The following FMN1 variants were observed in gnomAD, a reference collection of about 807,000 sequenced individuals.
The protein encoded by FMN1 is formin 1, also known as formin-1.
FMN1 carries 110 observed loss-of-function variants against 132.4 expected under a neutral mutation model. That is an observed-to-expected ratio of 0.83 (90% CI 0.71 to 0.97). The LOEUF (loss-of-function observed/expected upper bound fraction) is 0.97. FMN1 is among the 50% of genes least tolerant of loss of function. The probability of loss-of-function intolerance (pLI) is 0.00; values close to 1 mark genes in which losing one functional copy is unlikely to be tolerated. For synonymous variants in FMN1, 722 were observed against 651.7 expected, an observed-to-expected ratio of 1.11 and a Z score of -1.64; for missense variants, 1,792 against 1,705.3, an observed-to-expected ratio of 1.05 and a Z score of -0.90.
intron 2 of FMN1, among the ~76,000 whole-genome samples, chr15:33,192,752 G>A (rs1024962465): frequency 4.6e-5 from 7 of 152,164 alleles, no homozygotes; most frequent in Non-Finnish European, 1.0e-4. Context: ...TTTTAGGAAC[G>A]AGACTGGCCT....
At chr15:32,883,624 C>A (rs1182755186) in intron 16 of FMN1, among the ~76,000 whole-genome samples, 2 of 149,564 alleles carry the variant, frequency 1.3e-5, no homozygotes. Context: ...TACTAGAGAT[C>A]CTGACTCCTG....
chr15:33,136,869 C>T (rs775789503), intron 4 of FMN1, among the ~76,000 whole-genome samples: 7 of 152,058 alleles, frequency 4.6e-5, no homozygotes, highest in African/African-American at 1.4e-4. Context: ...AGGCAGATCA[C>T]CTGAGATCAG....
chr15:32,872,516 G>A (rs1241063054), intron 16 of FMN1, among the ~76,000 whole-genome samples: 1 of 152,222 alleles, frequency 6.6e-6, no homozygotes, highest in Non-Finnish European at 1.5e-5. Flanking sequence ...GTCCTCTGAA[G>A]TCAAAATGCA....
intron 6 of FMN1, among the ~76,000 whole-genome samples, chr15:33,038,706 C>T (rs893024373): frequency 1.3e-5 from 2 of 152,160 alleles, no homozygotes; most frequent in African/African-American, 4.8e-5. Context: ...ATTATCCTTA[C>T]TTTAAGTCCC....
rs904155080 is a variant in FMN1, at chr15:32,771,498, A to G, written c.*2812T>C. The G allele has an allele frequency of 4.6e-5, 7 of 152,228 alleles. No individual in the cohort carries two copies. The highest frequency in any genetic ancestry group is 1.7e-4 in the African/African-American group (7 of 41,464). The allele number at this position is 152,228 out of a possible 1,614,324, so 9.4% of individuals were successfully genotyped here. On this transcript the variant is annotated 3_prime_UTR_variant, in exon 21 of 21. Transcript: ENST00000616417. ...TGTCAATTGCTCATGCAAGAATCTG[A>G]ACTACTGTCAAACTGTGTCCTCAGA...
At chr15:33,004,434 A>G (rs1319923486) in intron 7 of FMN1, among the ~76,000 whole-genome samples, 2 of 152,234 alleles carry the variant, frequency 1.3e-5, no homozygotes, top group African/African-American at 4.8e-5. Flanking sequence ...CAGACACATG[A>G]AAAAATGCTC....
At position 33,088,786 on chromosome 15, in the gene FMN1, G is replaced by A. The variant is rs758002291; in HGVS notation, c.2043+13C>T. 89 of 1,532,868 alleles carry A rather than the reference G, an allele frequency of 5.8e-5. No homozygotes were observed. The highest frequency in any genetic ancestry group is 7.4e-5 in the Non-Finnish European group (85 of 1,145,244). 95.0% of individuals were successfully genotyped at this position (1,532,868 alleles called of 1,614,324 possible). A position where few individuals can be genotyped will look rare whatever the true frequency, so the allele number is the denominator to read the frequency against. Reference sequence around the variant, plus strand: ...CAAAGAACCACAGCACAATCACCAAGATTTCTACTTACATGGAGATCCAAG... The same window carrying A: ...CAAAGAACCACAGCACAATCACCAAAATTTCTACTTACATGGAGATCCAAG... On this transcript the variant is annotated intron_variant, in intron 5 of 20. Coordinates refer to ENST00000616417, the MANE Select transcript of FMN1 (RefSeq NM_001277313.2).
At chr15:32,874,322 A>C (rs192373277) in intron 16 of FMN1, among the ~76,000 whole-genome samples, 1 of 152,154 alleles carries the variant, frequency 6.6e-6, no homozygotes, top group Admixed American at 6.5e-5. Flanking sequence ...AGCCCGGCCT[A>C]TATTAGCTAT....
chr15:33,110,142 T>C (rs2039643350), intron 4 of FMN1, among the ~76,000 whole-genome samples: 1 of 152,098 alleles, frequency 6.6e-6, no homozygotes, highest in South Asian at 2.1e-4. Flanking sequence ...CCTAGGAATC[T>C]ACCATAAACA....
At chr15:32,860,205 A>G (rs934565595) in intron 16 of FMN1, among the ~76,000 whole-genome samples, 1 of 149,674 alleles carries the variant, frequency 6.7e-6, no homozygotes, top group Non-Finnish European at 1.5e-5. Context: ...AAGGAAGGAA[A>G]GAAAGGAGAG....
intron 15 of FMN1, among the ~76,000 whole-genome samples, chr15:32,889,008 C>T (rs1465098089): frequency 1.3e-5 from 2 of 152,082 alleles, no homozygotes; most frequent in African/African-American, 4.8e-5. Flanking sequence ...GTACGTGCCA[C>T]CATACCCAGC....
chr15:32,836,129 G>C (rs2058619801), intron 17 of FMN1, among the ~76,000 whole-genome samples: 1 of 152,122 alleles, frequency 6.6e-6, no homozygotes, highest in Non-Finnish European at 1.5e-5. Flanking sequence ...CCAAAGTCCT[G>C]AGATTACAGG....
At chr15:32,830,293 T>C (rs2058469097) in intron 17 of FMN1, among the ~76,000 whole-genome samples, 1 of 152,192 alleles carries the variant, frequency 6.6e-6, no homozygotes, top group African/African-American at 2.4e-5. Flanking sequence ...TTTTTAAAAA[T>C]AATCACCCCT....
At chr15:32,884,164 G>A (rs1398928715) in intron 16 of FMN1, among the ~76,000 whole-genome samples, 1 of 152,060 alleles carries the variant, frequency 6.6e-6, no homozygotes, top group East Asian at 1.9e-4. Context: ...AAACTTAGGA[G>A]GCTTAAAACA....
At chr15:33,097,470 T>C (rs974328089) in intron 4 of FMN1, among the ~76,000 whole-genome samples, 28 of 151,904 alleles carry the variant, frequency 1.8e-4, no homozygotes, top group African/African-American at 6.5e-4. Context: ...CTACAATAAA[T>C]AAACTGGAAA....
chr15:33,132,700 C>T (rs1003868859), intron 4 of FMN1, among the ~76,000 whole-genome samples: 71 of 152,256 alleles, frequency 4.7e-4, no homozygotes, highest in Non-Finnish European at 6.3e-4. Context: ...AAAAGAACTT[C>T]GGGGGCCTTG....
rs150155212 is a variant in FMN1 at position 33,173,585 on chromosome 15, A to G, written c.-132+6613T>C. ...GAGGCCAGAACAAGATGCTGTGAGG[A>G]GGAGGATAGAGGAAAATATGATTGG... On this transcript the variant is annotated intron_variant, in intron 3 of 20. Coordinates refer to ENST00000616417, the MANE Select transcript of FMN1 (RefSeq NM_001277313.2). Among the ~76,000 whole-genome samples, 8 of 152,348 alleles carry G rather than the reference A, an allele frequency of 5.3e-5. No individual in the cohort carries two copies. In the East Asian group the frequency reaches 1.4e-3, roughly 26 times the overall value.
At chr15:33,021,944 G>C (rs1421452692) in intron 6 of FMN1, among the ~76,000 whole-genome samples, 1 of 152,132 alleles carries the variant, frequency 6.6e-6, no homozygotes, top group African/African-American at 2.4e-5. Context: ...CACTTAACTA[G>C]AATAAAATTT....
chr15:32,811,002 T>A (rs761049653), intron 17 of FMN1: 3 of 456,184 alleles, frequency 6.6e-6, no homozygotes, highest in African/African-American at 6.0e-5. Flanking sequence ...CTGATGTGAG[T>A]GTGGCAATCG....
Sources: gnomAD v4.1 joint callset for allele counts (sites outside exome capture counted in the v4.1 genomes callset) on GRCh38, gnomAD v4.1.1 for gene constraint, MANE v1.5 for transcripts, NCBI Gene and HGNC (gene_info 2026-07-23, HGNC 2026-07-21) for gene names.